Variants in MAGI2 observed in about 807,000 individuals in gnomAD.
The protein encoded by MAGI2 is membrane associated guanylate kinase, WW and PDZ domain containing 2.
MAGI2 carries 35 observed loss-of-function variants against 133.3 expected under a neutral mutation model. The observed-to-expected ratio is 0.26, with a 90% CI of 0.20 to 0.35. MAGI2 has a LOEUF of 0.35. MAGI2 is among the 10% of genes least tolerant of loss of function. MAGI2 has a pLI of 1.00. For missense variants in MAGI2, 1,636 were observed against 1,863.4 expected, an observed-to-expected ratio of 0.88 and a Z score of 2.25; for synonymous variants, 729 against 710.6, an observed-to-expected ratio of 1.03 and a Z score of -0.41.
chr7:79,237,262 G>A (rs568225196), intron 1 of MAGI2, among the ~76,000 whole-genome samples: 249 of 152,296 alleles, frequency 1.6e-3, no homozygotes, highest in African/African-American at 5.7e-3. Flanking sequence ...TTGGGAGGCC[G>A]AGGCGGTGGA....
intron 1 of MAGI2, among the ~76,000 whole-genome samples, chr7:79,419,936 A>C (rs1400948706): frequency 1.3e-5 from 2 of 152,046 alleles, no homozygotes; most frequent in Non-Finnish European, 2.9e-5. Context: ...CCACCTACAT[A>C]TACCTACAGG....
chr7:78,737,733 TAAA>T (rs1218383807), intron 2 of MAGI2, among the ~76,000 whole-genome samples: 1 of 152,150 alleles, frequency 6.6e-6, no homozygotes, highest in African/African-American at 2.4e-5. Flanking sequence ...TTATGTCTCA[TAAA>T]AATTGTTTTT....
At chr7:78,931,998 C>G (rs114992927) in intron 2 of MAGI2, among the ~76,000 whole-genome samples, 1 of 79,086 alleles carries the variant, frequency 1.3e-5, no homozygotes, top group African/African-American at 4.3e-5. Flanking sequence ...AAAAGGAAGG[C>G]AAAAAAAAAA....
intron 9 of MAGI2, among the ~76,000 whole-genome samples, chr7:78,257,582 A>G (rs1793118283): frequency 6.6e-6 from 1 of 152,222 alleles, no homozygotes; most frequent in South Asian, 2.1e-4. Flanking sequence ...ATTCAGAGAA[A>G]TATTTTTTCC....
intron 3 of MAGI2, among the ~76,000 whole-genome samples, chr7:78,531,856 C>T (rs1302321004): frequency 6.6e-6 from 1 of 151,996 alleles, no homozygotes; most frequent in Non-Finnish European, 1.5e-5. Flanking sequence ...AATACAATAC[C>T]CAGGGAAATT....
Position 78,209,853 on chromosome 7 carries a change from C to T in MAGI2, c.2048-8660G>A, listed in dbSNP as rs552634332. 1.6e-3 allele frequency among the ~76,000 whole-genome samples: 249 copies of T among 152,274 alleles called. 1 individual carries two copies. The highest frequency in any genetic ancestry group is 3.1e-3 in the Admixed American group (48 of 15,288). ...CTACCTATTCCTTGGCCAGAGCATGCGTCACTCCTCTTCAATTGTTGAAGT... is the reference window on the plus strand; with the variant it reads ...CTACCTATTCCTTGGCCAGAGCATGTGTCACTCCTCTTCAATTGTTGAAGT... On this transcript the variant is annotated intron_variant, in intron 10 of 21. Coordinates refer to ENST00000354212, the MANE Select transcript of MAGI2 (RefSeq NM_012301.4).
At chr7:79,070,125 G>A (rs1814809539) in intron 1 of MAGI2, among the ~76,000 whole-genome samples, 2 of 152,060 alleles carry the variant, frequency 1.3e-5, no homozygotes, top group Non-Finnish European at 2.9e-5. Context: ...CGTGTTCTCT[G>A]TATTTCCTGA....
intron 2 of MAGI2, among the ~76,000 whole-genome samples, chr7:78,655,454 C>CAAAAAAAAAAAAAAAAAAAACAACA (rs1812092350): frequency 1.5e-5 from 1 of 64,950 alleles, no homozygotes; most frequent in Non-Finnish European, 2.8e-5. Context: ...AAAAAACAAC[C>CAAAAAAAAAAAAAAAAAAAACAACA]AAAAAAAAAA....
intron 1 of MAGI2, among the ~76,000 whole-genome samples, chr7:79,279,447 G>A (rs1412401406): frequency 6.6e-6 from 1 of 152,136 alleles, no homozygotes; most frequent in East Asian, 1.9e-4. Flanking sequence ...AAGAGACGTG[G>A]GGACTGCTGT....
intron 16 of MAGI2, among the ~76,000 whole-genome samples, chr7:78,145,745 G>A (rs1195999862): frequency 3.9e-5 from 6 of 152,076 alleles, no homozygotes; most frequent in African/African-American, 1.2e-4. Flanking sequence ...CCCAGTCTGT[G>A]GTATTCCACT....
intron 2 of MAGI2, among the ~76,000 whole-genome samples, chr7:78,941,553 C>A (rs536058102): frequency 6.6e-6 from 1 of 152,032 alleles, no homozygotes; most frequent in Non-Finnish European, 1.5e-5. Context: ...CCAGGCTGGT[C>A]TCGAACTCCT....
chr7:78,821,644 A>G (rs909745499), intron 2 of MAGI2, among the ~76,000 whole-genome samples: 2 of 152,066 alleles, frequency 1.3e-5, no homozygotes, highest in Non-Finnish European at 2.9e-5. Context: ...TTAAATTTAT[A>G]AAACTATTTA....
chr7:79,160,085 C>T (rs962486839), intron 1 of MAGI2, among the ~76,000 whole-genome samples: 1 of 152,020 alleles, frequency 6.6e-6, no homozygotes, highest in African/African-American at 2.4e-5. Context: ...TCAAAACCCT[C>T]CAGTAATTTA....
At chr7:78,294,881 G>A (rs1797075172) in intron 9 of MAGI2, among the ~76,000 whole-genome samples, 1 of 152,024 alleles carries the variant, frequency 6.6e-6, no homozygotes, top group South Asian at 2.1e-4. Context: ...GAAACTGACT[G>A]GATATTTTGT....
chr7:79,129,402 T>C (rs569700948), intron 1 of MAGI2, among the ~76,000 whole-genome samples: 1 of 152,306 alleles, frequency 6.6e-6, no homozygotes, highest in South Asian at 2.1e-4. Context: ...ATGCATAATA[T>C]CAAATCTAGT....
At chr7:79,237,680 C>T (rs923851128) in intron 1 of MAGI2, among the ~76,000 whole-genome samples, 38 of 152,332 alleles carry the variant, frequency 2.5e-4, no homozygotes, top group African/African-American at 9.1e-4. Context: ...ATATACCCTA[C>T]TTTCCTCACT....
chr7:78,392,713 G>C (rs1313103574), intron 6 of MAGI2, among the ~76,000 whole-genome samples: 2 of 152,034 alleles, frequency 1.3e-5, no homozygotes, highest in African/African-American at 4.8e-5. Context: ...GCGCAATCTT[G>C]GCTCACTGCA....
At chr7:78,761,246 C>T (rs1824475656) in intron 2 of MAGI2, among the ~76,000 whole-genome samples, 1 of 152,162 alleles carries the variant, frequency 6.6e-6, no homozygotes, top group African/African-American at 2.4e-5. Context: ...TTTCCCAGGA[C>T]ATGCAAGGCA....
chr7:79,100,650 T>TA (rs934617771), intron 1 of MAGI2, among the ~76,000 whole-genome samples: 1 of 151,594 alleles, frequency 6.6e-6, no homozygotes, highest in African/African-American at 2.4e-5. Flanking sequence ...TAAAATTTTT[T>TA]AAAAAATTAT....
Sources: allele counts gnomAD v4.1 joint callset (sites outside exome capture counted in the v4.1 genomes callset), GRCh38; gene constraint gnomAD v4.1.1; transcripts MANE v1.5; gene names NCBI Gene and HGNC (gene_info 2026-07-23, HGNC 2026-07-21).